STXBP6: variants seen among roughly 807,000 people sequenced by gnomAD.
STXBP6 encodes the protein syntaxin-binding protein 6.
A neutral mutation model predicts 26.9 loss-of-function variants in STXBP6; 21 were observed. The ratio of observed to expected loss-of-function variants is 0.78; its 90% CI spans 0.55 to 1.12. The LOEUF (loss-of-function observed/expected upper bound fraction) is 1.12, where lower values mean the gene tolerates loss of function less well. STXBP6 is among the 50% of genes most tolerant of loss of function. The pLI is 0.00. For missense variants in STXBP6, 232 were observed against 257.9 expected (o/e 0.90, Z 0.69); for synonymous variants, 97 against 92.6 (o/e 1.05, Z -0.27).
intron 1 of STXBP6, among the ~76,000 whole-genome samples, chr14:24,984,296 C>T (rs1027195260): frequency 1.3e-5 from 2 of 152,114 alleles, no homozygotes; most frequent in African/African-American, 4.8e-5. Flanking sequence ...TTATTTGAAT[C>T]GCTGATTTGG....
intron 2 of STXBP6, among the ~76,000 whole-genome samples, chr14:24,907,801 T>C (rs75271411): frequency 1.3e-5 from 2 of 152,048 alleles, no homozygotes; most frequent in Non-Finnish European, 2.9e-5. Context: ...CTTTTTTTTT[T>C]AACCAAACCC....
At position 25,029,315 on chromosome 14, in the gene STXBP6, T is replaced by C. The variant is rs578106225; in HGVS notation, c.-33+20563A>G. On this transcript the variant is annotated intron_variant, in intron 1 of 5. Coordinates refer to ENST00000323944, the MANE Select transcript of STXBP6 (RefSeq NM_001394410.1). ...GCTACCCCAACCTTCAGCACCACCATTCTGACCAGGCAGCAGTCATCCACG... is the reference window on the plus strand; with the variant it reads ...GCTACCCCAACCTTCAGCACCACCACTCTGACCAGGCAGCAGTCATCCACG... Among the ~76,000 whole-genome samples the C allele has an allele frequency of 5.3e-4, 80 of 152,268 alleles. 2 individuals carry two copies. The highest frequency in any genetic ancestry group is 1.9e-3 in the African/African-American group (79 of 41,530).
chr14:24,848,546 T>C (rs1465199067), intron 4 of STXBP6, among the ~76,000 whole-genome samples: 2 of 152,126 alleles, frequency 1.3e-5, no homozygotes, highest in African/African-American at 4.8e-5. Context: ...TAAGTCTTGG[T>C]TTGGTACAAA....
chr14:24,981,786 T>C (rs1263289702), intron 1 of STXBP6, among the ~76,000 whole-genome samples: 1 of 152,172 alleles, frequency 6.6e-6, no homozygotes, highest in Non-Finnish European at 1.5e-5. Flanking sequence ...GAAAAAATCA[T>C]CATAAACAAC....
At chr14:24,944,850 T>C (rs1389656280) in intron 2 of STXBP6, among the ~76,000 whole-genome samples, 1 of 152,064 alleles carries the variant, frequency 6.6e-6, no homozygotes, top group Non-Finnish European at 1.5e-5. Flanking sequence ...GGGAGTTTGT[T>C]TGGAGTGTGA....
intron 2 of STXBP6, among the ~76,000 whole-genome samples, chr14:24,899,765 A>G (rs2071135695): frequency 7.6e-6 from 1 of 131,632 alleles, no homozygotes; most frequent in African/African-American, 2.8e-5. Flanking sequence ...TGTAAAACAG[A>G]GCGAGACTAC....
At chr14:24,830,967 T>G (rs930659774) in intron 4 of STXBP6, among the ~76,000 whole-genome samples, 1 of 152,130 alleles carries the variant, frequency 6.6e-6, no homozygotes, top group Non-Finnish European at 1.5e-5. Context: ...AAAAAAATTG[T>G]CTTTTCAACA....
At chr14:24,835,682 A>C (rs993334090) in intron 4 of STXBP6, among the ~76,000 whole-genome samples, 9 of 152,366 alleles carry the variant, frequency 5.9e-5, no homozygotes, top group African/African-American at 2.2e-4. Context: ...CTATTAAAAA[A>C]TAGGTAGTAT....
chr14:25,021,882 GC>G (rs2075268984), intron 1 of STXBP6, among the ~76,000 whole-genome samples: 1 of 152,070 alleles, frequency 6.6e-6, no homozygotes, highest in Admixed American at 6.6e-5. Flanking sequence ...CCCTCTCAAC[GC>G]TATTATACAA....
At chr14:24,998,541 T>C (rs535903796) in intron 1 of STXBP6, among the ~76,000 whole-genome samples, 132 of 152,336 alleles carry the variant, frequency 8.7e-4, no homozygotes, top group Non-Finnish European at 1.5e-3. Flanking sequence ...TACTAGAGAA[T>C]GACTACTACT....
intron 2 of STXBP6, among the ~76,000 whole-genome samples, chr14:24,907,887 T>C (rs1384774369): frequency 1.3e-5 from 2 of 152,126 alleles, no homozygotes; most frequent in East Asian, 3.9e-4. Context: ...CAGGTCTCTG[T>C]CTTGGCTACA....
At chr14:25,008,638 T>C (rs1035268282) in intron 1 of STXBP6, among the ~76,000 whole-genome samples, 21 of 152,232 alleles carry the variant, frequency 1.4e-4, no homozygotes, top group Admixed American at 1.2e-3. Context: ...ACAGCGTCTA[T>C]TGGCAACAAT....
chr14:24,912,799 T>C (rs2071622133), intron 2 of STXBP6, among the ~76,000 whole-genome samples: 1 of 152,174 alleles, frequency 6.6e-6, no homozygotes, highest in Admixed American at 6.5e-5. Flanking sequence ...TTCATGTCAG[T>C]TGAATATAAC....
intron 2 of STXBP6, among the ~76,000 whole-genome samples, chr14:24,971,000 G>A (rs1317862932): frequency 6.6e-6 from 1 of 152,188 alleles, no homozygotes; most frequent in East Asian, 1.9e-4. Flanking sequence ...ATCAATCTGT[G>A]ATTCCAGTGA....
intron 2 of STXBP6, among the ~76,000 whole-genome samples, chr14:24,962,151 C>T (rs999998321): frequency 1.3e-5 from 2 of 152,000 alleles, no homozygotes; most frequent in Non-Finnish European, 2.9e-5. Flanking sequence ...CACCTGCAAA[C>T]GTATATAGAG....
chr14:24,868,747 T>C (rs557701160), intron 2 of STXBP6, among the ~76,000 whole-genome samples: 22 of 152,274 alleles, frequency 1.4e-4, no homozygotes, highest in African/African-American at 5.1e-4. Flanking sequence ...TCTACCGCAA[T>C]AGCCCAGGAG....
At chr14:25,011,659 T>G (rs1006252913) in intron 1 of STXBP6, among the ~76,000 whole-genome samples, 2 of 152,174 alleles carry the variant, frequency 1.3e-5, no homozygotes, top group Non-Finnish European at 2.9e-5. Context: ...TTATATACTG[T>G]TCAGTGATAA....
At chr14:24,948,868 G>A (rs1167210376) in intron 2 of STXBP6, among the ~76,000 whole-genome samples, 2 of 152,146 alleles carry the variant, frequency 1.3e-5, no homozygotes, top group Admixed American at 6.6e-5. Context: ...AAGTACTGAA[G>A]GAGATGAATT....
chr14:24,915,338 A>C (rs2071725809), intron 2 of STXBP6, among the ~76,000 whole-genome samples: 1 of 152,156 alleles, frequency 6.6e-6, no homozygotes, highest in Non-Finnish European at 1.5e-5. Context: ...CTGCTGAGTT[A>C]CCCAGACATT....
Sources: allele counts gnomAD v4.1 joint callset (sites outside exome capture counted in the v4.1 genomes callset), GRCh38; gene constraint gnomAD v4.1.1; transcripts MANE v1.5; gene names NCBI Gene and HGNC (gene_info 2026-07-23, HGNC 2026-07-21).